The following WASL variants were observed in gnomAD, a reference collection of about 807,000 sequenced individuals.
WASL encodes the protein WASP like actin nucleation promoting factor.
WASL carries 20 observed loss-of-function variants against 55.5 expected under a neutral mutation model. The observed-to-expected ratio is 0.36, with a 90% CI of 0.25 to 0.52. The LOEUF (loss-of-function observed/expected upper bound fraction) is 0.52, where lower values mean the gene tolerates loss of function less well. Ranked by LOEUF, WASL falls within the 20% of genes least tolerant of loss-of-function variation. WASL has a pLI of 0.92. For synonymous variants in WASL, 249 were observed against 217.6 expected (o/e 1.14, Z -1.27); for missense variants, 504 against 622.5 (o/e 0.81, Z 2.03).
intron 9 of WASL, among the ~76,000 whole-genome samples, chr7:123,691,366 G>A (rs943037923): frequency 1.3e-5 from 2 of 151,320 alleles, no homozygotes; most frequent in African/African-American, 4.9e-5. Context: ...TGAGCCCATG[G>A]GCCAAATCCA....
intron 1 of WASL, among the ~76,000 whole-genome samples, chr7:123,739,114 A>T (rs1176622184): frequency 6.6e-6 from 1 of 152,172 alleles, no homozygotes; most frequent in African/African-American, 2.4e-5. Flanking sequence ...TATGAATAAT[A>T]ATTTCCAATT....
At chr7:123,684,620 A>G (rs746376013) in intron 10 of WASL, 40 bp from the exon 11 acceptor site, 1 of 1,488,256 alleles carries the variant, frequency 6.7e-7, no homozygotes, top group African/African-American at 1.4e-5. Flanking sequence ...ATGCATAAAT[A>G]AAATGACATT....
intron 1 of WASL, among the ~76,000 whole-genome samples, chr7:123,745,081 A>G (rs1353304046): frequency 6.6e-6 from 1 of 152,190 alleles, no homozygotes; most frequent in African/African-American, 2.4e-5. Flanking sequence ...GAATGAGAAT[A>G]AAAATATGTT....
chr7:123,707,456 T>C (rs1002493294), intron 2 of WASL, among the ~76,000 whole-genome samples: 3 of 152,162 alleles, frequency 2.0e-5, no homozygotes, highest in East Asian at 1.9e-4. Flanking sequence ...AAGAGTGCCA[T>C]GATGGCTGCC....
chr7:123,704,385 T>C (rs955500510), intron 5 of WASL, among the ~76,000 whole-genome samples: 3 of 152,154 alleles, frequency 2.0e-5, no homozygotes. Flanking sequence ...TCTTTCTTCA[T>C]GTTAGAAAAA....
chr7:123,694,936 A>C (rs1363005911), intron 7 of WASL, 68 bp from the exon 8 acceptor site: 1 of 1,489,096 alleles, frequency 6.7e-7, no homozygotes, highest in Non-Finnish European at 9.0e-7. Flanking sequence ...TTTAAGTCTC[A>C]TCTGTGTCCT....
chr7:123,740,474 A>T (rs1033269118), intron 1 of WASL, among the ~76,000 whole-genome samples: 1 of 152,188 alleles, frequency 6.6e-6, no homozygotes, highest in African/African-American at 2.4e-5. Context: ...GTATTACACT[A>T]TATTTATGAA....
chr7:123,712,955 CTT>C (rs1283443298), intron 1 of WASL, among the ~76,000 whole-genome samples: 5 of 152,062 alleles, frequency 3.3e-5, no homozygotes, highest in African/African-American at 1.2e-4. Flanking sequence ...ATAGGTATTT[CTT>C]TGACTACAGA....
intron 1 of WASL, among the ~76,000 whole-genome samples, chr7:123,740,374 A>G (rs1036929346): frequency 6.6e-6 from 1 of 152,158 alleles, no homozygotes; most frequent in Non-Finnish European, 1.5e-5. Flanking sequence ...TTTTCTAATT[A>G]GTTTTACTCT....
At chr7:123,741,767 A>G (rs1430923379) in intron 1 of WASL, among the ~76,000 whole-genome samples, 1 of 152,178 alleles carries the variant, frequency 6.6e-6, no homozygotes, top group African/African-American at 2.4e-5. Flanking sequence ...AAGACTTTTT[A>G]AAAATCTTAC....
chr7:123,692,362 A>G lies in WASL; in HGVS notation c.1332T>C (p.Gly444=). ...RDALLDQIRQ[G]IQLKSVADGQ... ...GCTTACTTACAGATTTTAGTTGGATACCCTGTCGTATCTGGTCTAACAGTG... is the reference window on the plus strand; with the variant it reads ...GCTTACTTACAGATTTTAGTTGGATGCCCTGTCGTATCTGGTCTAACAGTG... Residue 444 remains glycine, a synonymous_variant, in exon 9 of 11, where the codon GGT becomes GGC. Transcript: ENST00000223023. 1.2e-6 allele frequency: 2 copies of G among 1,611,714 alleles called. No individual in the cohort carries two copies. The highest frequency in any genetic ancestry group is 8.5e-7 in the Non-Finnish European group (1 of 1,179,436).
chr7:123,739,876 ATGTGTGTGTGTGTGTGTGTG>A (rs745649691), intron 1 of WASL, among the ~76,000 whole-genome samples: 7 of 115,530 alleles, frequency 6.1e-5, no homozygotes, highest in African/African-American at 1.9e-4. Context: ...ACATTTATAT[ATGTGTGTGTGTGTGTGTGTG>A]TGTGTGTGTG....
At chr7:123,706,992 G>T (rs1413040894) in intron 2 of WASL, among the ~76,000 whole-genome samples, 166 bp from the exon 3 acceptor site, 1 of 152,054 alleles carries the variant, frequency 6.6e-6, no homozygotes, top group Non-Finnish European at 1.5e-5. Flanking sequence ...AATCTAATCA[G>T]TAATTTCTTA....
chr7:123,699,917 C>G (rs959274218), intron 5 of WASL, among the ~76,000 whole-genome samples: 1 of 152,066 alleles, frequency 6.6e-6, no homozygotes, highest in Non-Finnish European at 1.5e-5. Flanking sequence ...TGGCTCACGC[C>G]TGTAATCCCA....
At chr7:123,741,982 T>C (rs1310362855) in intron 1 of WASL, among the ~76,000 whole-genome samples, 3 of 152,172 alleles carry the variant, frequency 2.0e-5, no homozygotes, top group Admixed American at 2.0e-4. Flanking sequence ...ATAGATACAA[T>C]TTTTACATTA....
chr7:123,733,033 C>T (rs1365411919), intron 1 of WASL, among the ~76,000 whole-genome samples: 1 of 152,062 alleles, frequency 6.6e-6, no homozygotes, highest in African/African-American at 2.4e-5. Context: ...AAAGCATTTC[C>T]ATCAATAACC....
At chr7:123,699,972 C>T (rs577510430) in intron 5 of WASL, among the ~76,000 whole-genome samples, 8 of 151,642 alleles carry the variant, frequency 5.3e-5, no homozygotes, top group Non-Finnish European at 8.8e-5. Context: ...GTCAGGAGGT[C>T]GAGACCATCC....
intron 1 of WASL, among the ~76,000 whole-genome samples, chr7:123,712,664 C>T (rs36061181): frequency 6.6e-6 from 1 of 152,090 alleles, no homozygotes; most frequent in Non-Finnish European, 1.5e-5. Context: ...ATGTATGACC[C>T]TTAGCTCTCT....
intron 1 of WASL, among the ~76,000 whole-genome samples, chr7:123,724,101 T>C (rs1040773721): frequency 6.6e-6 from 1 of 152,230 alleles, no homozygotes; most frequent in Non-Finnish European, 1.5e-5. Context: ...GCCTCTACTT[T>C]ATTCTTTCGT....
Sources: allele counts gnomAD v4.1 joint callset (sites outside exome capture counted in the v4.1 genomes callset), GRCh38; gene constraint gnomAD v4.1.1; transcripts MANE v1.5; gene names NCBI Gene and HGNC (gene_info 2026-07-23, HGNC 2026-07-21).